DCLRE1C: variants seen among roughly 807,000 people sequenced by gnomAD.
The protein encoded by DCLRE1C is DNA cross-link repair 1C, also known as protein artemis.
Under a neutral mutation model 61.4 loss-of-function variants are expected in DCLRE1C, and 47 were observed. The ratio of observed to expected loss-of-function variants is 0.77; its 90% CI spans 0.61 to 0.98. The LOEUF is 0.98. Among genes scored for constraint, DCLRE1C ranks in the 50% least tolerant of loss-of-function variants. The pLI is 0.00. For missense variants in DCLRE1C, 858 were observed against 816.0 expected, an observed-to-expected ratio of 1.05 and a Z score of -0.63; for synonymous variants, 337 against 287.6, an observed-to-expected ratio of 1.17 and a Z score of -1.74.
chr10:14,948,668 G>A (rs977603386), intron 2 of DCLRE1C, among the ~76,000 whole-genome samples: 3 of 151,978 alleles, frequency 2.0e-5, no homozygotes, highest in African/African-American at 7.3e-5. Flanking sequence ...CTGAGGCCAG[G>A]AGTTCGAGAT....
intron 11 of DCLRE1C, 72 bp from the exon 12 acceptor site, chr10:14,923,141 G>T: frequency 8.5e-7 from 1 of 1,179,364 alleles, no homozygotes; most frequent in Non-Finnish European, 1.3e-6. Context: ...ATAAAGGGAG[G>T]CTGGGGAAAG....
At chr10:14,920,845 G>T (rs1208188960) in intron 12 of DCLRE1C, among the ~76,000 whole-genome samples, 1 of 151,550 alleles carries the variant, frequency 6.6e-6, no homozygotes, top group East Asian at 1.9e-4. Flanking sequence ...AGCCAGGTGT[G>T]GTGGTGGGCG....
intron 2 of DCLRE1C, among the ~76,000 whole-genome samples, chr10:14,946,005 AC>A (rs1390559325): frequency 9.9e-5 from 12 of 121,740 alleles, no homozygotes; most frequent in Non-Finnish European, 1.4e-4. Flanking sequence ...TTCATAATAA[AC>A]TTTTTTTTTC....
At chr10:14,946,118 C>T (rs1841653846) in intron 2 of DCLRE1C, among the ~76,000 whole-genome samples, 1 of 151,664 alleles carries the variant, frequency 6.6e-6, no homozygotes, top group African/African-American at 2.4e-5. Flanking sequence ...AAGCGATTCT[C>T]CTGTCTTAGC....
At chr10:14,937,314 C>T (rs554537314) in intron 4 of DCLRE1C, among the ~76,000 whole-genome samples, 34 of 125,636 alleles carry the variant, frequency 2.7e-4, no homozygotes, top group South Asian at 7.5e-4. Context: ...GAGATGGAGT[C>T]TCACTCTGTC....
chr10:14,905,555 A>G lies in DCLRE1C; in HGVS notation c.*2853T>C, dbSNP rs1370831157. ...GATCACCCAGTGAACTTTTTAAAGT[A>G]TTTAATCTTCGGCTTCAGGCAGACT... is the stretch of plus-strand genomic sequence containing the variant. On this transcript the variant is annotated 3_prime_UTR_variant, in exon 14 of 14. Coordinates refer to ENST00000378278, the MANE Select transcript of DCLRE1C (RefSeq NM_001033855.3). Among the ~76,000 whole-genome samples the G allele has an allele frequency of 1.3e-5, 2 of 152,266 alleles. No homozygotes were observed. The highest frequency in any genetic ancestry group is 1.9e-4 in the East Asian group (1 of 5,204).
At chr10:14,899,124 A>T (rs1430471600) in exon 14 of DCLRE1C, 12 of 662,550 alleles carry the variant, frequency 1.8e-5, no homozygotes, top group Non-Finnish European at 2.5e-5. Flanking sequence ...GTTCCAGACC[A>T]GTGTGGGCAA....
At chr10:14,937,829 GGTT>G (rs1840199477) in intron 4 of DCLRE1C, among the ~76,000 whole-genome samples, 1 of 151,210 alleles carries the variant, frequency 6.6e-6, no homozygotes, top group Admixed American at 6.6e-5. Context: ...AGGAGGTAGA[GGTT>G]GCAGTGAGCC....
intron 11 of DCLRE1C, chr10:14,923,369 T>G (rs1837444373): frequency 3.0e-6 from 1 of 327,892 alleles, no homozygotes; most frequent in African/African-American, 2.1e-5. Context: ...GACTCAAAGA[T>G]TCTTTTTTTT....
At chr10:14,917,927 G>C (rs1337840568) in intron 13 of DCLRE1C, among the ~76,000 whole-genome samples, 1 of 152,196 alleles carries the variant, frequency 6.6e-6, no homozygotes, top group East Asian at 1.9e-4. Flanking sequence ...AACCTTGCTA[G>C]TCATTAGAGA....
downstream of DCLRE1C, chr10:14,903,504 C>G (rs759247711): frequency 7.9e-5 from 12 of 152,132 alleles, no homozygotes; most frequent in Non-Finnish European, 1.6e-4. Flanking sequence ...CCTGCAGGTT[C>G]TTCTTAAAAA....
chr10:14,908,700 A>G lies in DCLRE1C; in HGVS notation c.1787T>C (p.Ile596Thr). The G allele has an allele frequency of 6.2e-7, 1 of 1,614,168 alleles. No homozygotes were observed. The highest frequency in any genetic ancestry group is 1.3e-5 in the African/African-American group (1 of 75,034). ...IPASLMEQNV[I>T]CPKDTYSDLK... ...ATCAGAGTAAGTATCCTTTGGGCAA[A>G]TTACATTTTGTTCCATGAGAGAGGC... Residue 596 changes from isoleucine to threonine, a missense_variant, in exon 14 of 14, where the codon ATT (isoleucine) becomes ACT (threonine). Ile to Thr is a moderately conservative substitution (Grantham distance 89). This residue lies in a region of DCLRE1C where 843 missense variants were observed against 783.5 expected (regional missense o/e 1.08). Coordinates refer to ENST00000378278, the MANE Select transcript of DCLRE1C (RefSeq NM_001033855.3).
chr10:14,940,244 A>G (rs1840642450), intron 3 of DCLRE1C, among the ~76,000 whole-genome samples: 1 of 150,788 alleles, frequency 6.6e-6, no homozygotes, highest in Admixed American at 6.6e-5. Context: ...CTCAGAACAC[A>G]GTCTGGATGG....
intron 13 of DCLRE1C, among the ~76,000 whole-genome samples, chr10:14,917,583 G>A (rs1047509182): frequency 1.3e-5 from 2 of 152,074 alleles, no homozygotes; most frequent in African/African-American, 4.8e-5. Context: ...CAGCACTTTA[G>A]GAGGCCAAGG....
rs1027015319 is a variant in DCLRE1C, at chr10:14,912,985, A to G, written c.1157-3655T>C. On this transcript the variant is annotated intron_variant, in intron 13 of 13. Coordinates refer to ENST00000378278, the MANE Select transcript of DCLRE1C (RefSeq NM_001033855.3). ...GCGTGAGCCACTGTGCCTGGCCAAT[A>G]GCTGGGACTACAGGCGCCCGCCACC... Among the ~76,000 whole-genome samples, 24 of 133,300 alleles carry G rather than the reference A, an allele frequency of 1.8e-4. 2 individuals carry two copies. Among genetic ancestry groups the G allele is most frequent in the Non-Finnish European group, 3.5e-4 (22 of 62,262 alleles). The allele number at this position is 133,300 out of a possible 152,430, so 87.4% of individuals were successfully genotyped here.
chr10:14,926,891 T>C lies in DCLRE1C; in HGVS notation c.924A>G (p.Gly308=), dbSNP rs1405181395. The change falls in exon 11 of 14, where the codon GGA becomes GGG. Residue 308 remains glycine, a synonymous_variant. Transcript: ENST00000378278. The part of the protein sequence containing the change: ...SRKTNVIVRT[G]ESSYRACFSF... ...AAAAACAAGCTCTGTATGAACTCTCTCCAGTCCTAAAGGGAAGTGAAAACA... is the reference window on the plus strand; with the variant it reads ...AAAAACAAGCTCTGTATGAACTCTCCCCAGTCCTAAAGGGAAGTGAAAACA... The C allele has an allele frequency of 6.2e-7, 1 of 1,613,178 alleles. No individual in the cohort carries two copies. The highest frequency in any genetic ancestry group is 8.5e-7 in the Non-Finnish European group (1 of 1,179,384).
At chr10:14,937,757 G>A (rs1840184966) in intron 4 of DCLRE1C, among the ~76,000 whole-genome samples, 1 of 152,038 alleles carries the variant, frequency 6.6e-6, no homozygotes, top group Non-Finnish European at 1.5e-5. Flanking sequence ...TGCGCATGGT[G>A]GTGGGCAGCA....
intron 13 of DCLRE1C, among the ~76,000 whole-genome samples, chr10:14,913,673 C>A (rs1835681394): frequency 6.6e-6 from 1 of 152,000 alleles, no homozygotes; most frequent in Non-Finnish European, 1.5e-5. Context: ...AATTAAAATA[C>A]AAAAAACACA....
intron 8 of DCLRE1C, 45 bp downstream of exon 8, chr10:14,934,335 A>C (rs555451000): frequency 6.3e-7 from 1 of 1,596,892 alleles, no homozygotes; most frequent in South Asian, 1.1e-5. Flanking sequence ...CTCAAAAAAA[A>C]AAAAAAAAGA....
Sources: gnomAD v4.1 joint callset for allele counts (sites outside exome capture counted in the v4.1 genomes callset) on GRCh38, gnomAD v4.1.1 for gene constraint, gnomAD v4.1.1 regional missense constraint, MANE v1.5 for transcripts, NCBI Gene and HGNC (gene_info 2026-07-23, HGNC 2026-07-21) for gene names.